MALRD1: variants seen among roughly 807,000 people sequenced by gnomAD.
MALRD1 encodes MAM and LDL-receptor class A domain-containing protein 1.
MALRD1 carries 247 observed loss-of-function variants against 242.1 expected under a neutral mutation model. That is an observed-to-expected ratio of 1.02 (90% CI 0.92 to 1.13). The LOEUF is 1.13. Among genes scored for constraint, MALRD1 ranks in the 50% most tolerant of loss-of-function variants. The pLI is 0.00. For missense variants in MALRD1, 2,989 were observed against 2,533.1 expected (o/e 1.18, Z -3.86); for synonymous variants, 995 against 866.6 (o/e 1.15, Z -2.60).
intron 21 of MALRD1, among the ~76,000 whole-genome samples, chr10:19,310,711 G>A (rs1046875582): frequency 1.5e-4 from 23 of 151,408 alleles, no homozygotes; most frequent in African/African-American, 5.6e-4. Context: ...TAATCCATCT[G>A]TTCTTCCAAT....
At chr10:19,437,086 G>C (rs571954326) in intron 28 of MALRD1, among the ~76,000 whole-genome samples, 21 of 72,218 alleles carry the variant, frequency 2.9e-4, no homozygotes, top group Non-Finnish European at 1.4e-4. Context: ...AGCAAAACGA[G>C]TGTGATTTTT....
intron 29 of MALRD1, among the ~76,000 whole-genome samples, chr10:19,481,057 A>G (rs1159348755): frequency 6.6e-6 from 1 of 152,242 alleles, no homozygotes; most frequent in Non-Finnish European, 1.5e-5. Context: ...AACCAAGTAT[A>G]CATACAGTTT....
intron 36 of MALRD1, among the ~76,000 whole-genome samples, chr10:19,636,821 C>T (rs1375088385): frequency 6.6e-6 from 1 of 150,932 alleles, no homozygotes; most frequent in Non-Finnish European, 1.5e-5. Flanking sequence ...ATCACTTGAG[C>T]CTGGGAGGCA....
At position 19,327,689 on chromosome 10, in the gene MALRD1, A is replaced by C. The variant is rs1277331814; in HGVS notation, c.3687+16A>C. ...ACATACACAGGTGTGTAATACAGGT[A>C]GTTATGGGGTGAGTGAGTTCTGCTG... On this transcript the variant is annotated intron_variant, in intron 23 of 39. Coordinates refer to ENST00000454679, the MANE Select transcript of MALRD1 (RefSeq NM_001142308.3). 6.6e-7 allele frequency: 1 copy of C among 1,525,870 alleles called. No homozygotes were observed. Among genetic ancestry groups the C allele is most frequent in the Admixed American group, 2.0e-5 (1 of 50,698 alleles). 94.5% of individuals were successfully genotyped at this position (1,525,870 alleles called of 1,614,324 possible). A position where few individuals can be genotyped will look rare whatever the true frequency, so the allele number is the denominator to read the frequency against.
In MALRD1 at chr10:19,595,457, T is replaced by A; in HGVS notation, c.5944T>A (p.Ser1982Thr). The change falls in exon 34 of 40, where the codon TCC (serine) becomes ACC (threonine). Residue 1982 changes from serine (S) to threonine (T), a missense_variant and splice_region_variant. Coordinates refer to ENST00000454679, the MANE Select transcript of MALRD1 (RefSeq NM_001142308.3). ...CHFNEDELIC[S>T]NKSCSNGALV... ...CTTTAATGAAGATGAGCTCATCTGCTGTGAGTTATTTTCACTAACTCAATG... is the reference window on the plus strand; with the variant it reads ...CTTTAATGAAGATGAGCTCATCTGCAGTGAGTTATTTTCACTAACTCAATG... The A allele has an allele frequency of 6.5e-7, 1 of 1,547,500 alleles. No individual in the cohort carries two copies. The highest frequency in any genetic ancestry group is 8.7e-7 in the Non-Finnish European group (1 of 1,144,572).
rs550900763 is a variant in MALRD1, at chr10:19,564,968, T to C, written c.5479-2534T>C. Among the ~76,000 whole-genome samples the C allele has an allele frequency of 3.9e-5, 6 of 152,300 alleles. No homozygotes were observed. The South Asian group carries it at 8.3e-4, about 21-fold the overall frequency. ...CTAAGTAATACTCCTAGTTTTCTCA[T>C]TGGCCACAGTGGCTATGAAAACACT... On this transcript the variant is annotated intron_variant, in intron 32 of 39. Coordinates refer to ENST00000454679, the MANE Select transcript of MALRD1 (RefSeq NM_001142308.3).
chr10:19,596,618 C>G (rs187838780), intron 34 of MALRD1, among the ~76,000 whole-genome samples: 61 of 152,092 alleles, frequency 4.0e-4, no homozygotes, highest in African/African-American at 1.4e-3. Context: ...GTAGTTCCAG[C>G]TCCTCTGGAG....
At chr10:19,208,891 T>C (rs2358353) in intron 17 of MALRD1, among the ~76,000 whole-genome samples, 132,560 of 152,122 alleles carry the variant, frequency 0.87, 57,915 homozygotes, top group African/African-American at 0.94. Context: ...TGTTCCCTGG[T>C]GATTGGAACA....
chr10:19,356,488 A>G (rs1844644517), intron 26 of MALRD1, among the ~76,000 whole-genome samples: 1 of 152,162 alleles, frequency 6.6e-6, no homozygotes, highest in South Asian at 2.1e-4. Context: ...TTAATAATAT[A>G]TTTTAATTCG....
intron 28 of MALRD1, among the ~76,000 whole-genome samples, chr10:19,395,786 A>G (rs1212535988): frequency 6.6e-6 from 1 of 152,176 alleles, no homozygotes; most frequent in Non-Finnish European, 1.5e-5. Context: ...TTCCAGGCAT[A>G]TTTTTGAATA....
intron 29 of MALRD1, among the ~76,000 whole-genome samples, chr10:19,480,783 A>C (rs1355621800): frequency 6.6e-6 from 1 of 151,914 alleles, no homozygotes; most frequent in Non-Finnish European, 1.5e-5. Context: ...TGTTGCTTTA[A>C]TTTCTTGTTA....
chr10:19,719,233 T>C (rs1322392849), intron 38 of MALRD1, among the ~76,000 whole-genome samples: 10 of 110,486 alleles, frequency 9.1e-5, no homozygotes, highest in Non-Finnish European at 1.3e-4. Flanking sequence ...CATATATATA[T>C]ATATATATAT....
intron 38 of MALRD1, among the ~76,000 whole-genome samples, chr10:19,711,588 A>T (rs1834121649): frequency 6.6e-6 from 1 of 152,322 alleles, no homozygotes; most frequent in Non-Finnish European, 1.5e-5. Flanking sequence ...GTTGGTGCAG[A>T]GGTGCTGTAT....
intron 19 of MALRD1, among the ~76,000 whole-genome samples, chr10:19,274,874 T>C (rs1040982120): frequency 6.6e-6 from 1 of 152,122 alleles, no homozygotes; most frequent in Non-Finnish European, 1.5e-5. Flanking sequence ...TTCTGGTTTT[T>C]GAGATTAAAA....
Position 19,235,613 on chromosome 10 carries a change from A to AGC in MALRD1, c.2992-22068_2992-22067dup, listed in dbSNP as rs1554816955. Among the ~76,000 whole-genome samples, 36 of 143,838 alleles carry AGC rather than the reference A, an allele frequency of 2.5e-4. No homozygotes were observed. In the East Asian group the frequency reaches 3.8e-3, roughly 15 times the overall value. 94.4% of individuals were successfully genotyped at this position (143,838 alleles called of 152,430 possible). Reference sequence around the variant, plus strand: ...GAGAGAGAGAGAGAGAGAGAGAGAGAGCGCCTAGGTAAGAGGCCACCAACC... The same window carrying AGC: ...GAGAGAGAGAGAGAGAGAGAGAGAGAGCGCGCCTAGGTAAGAGGCCACCAACC... On this transcript the variant is annotated intron_variant, in intron 18 of 39. Coordinates refer to ENST00000454679, the MANE Select transcript of MALRD1 (RefSeq NM_001142308.3).
chr10:19,456,873 A>C (rs1014696282), intron 29 of MALRD1, among the ~76,000 whole-genome samples: 1 of 151,834 alleles, frequency 6.6e-6, no homozygotes, highest in Admixed American at 6.6e-5. Context: ...CCTGGGTTCA[A>C]GCGATTCTCA....
At chr10:19,052,982 C>A (rs7084034) in intron 1 of MALRD1, among the ~76,000 whole-genome samples, 1 of 151,988 alleles carries the variant, frequency 6.6e-6, no homozygotes, top group African/African-American at 2.4e-5. Flanking sequence ...AGCCGTCAGG[C>A]AAGGTTGGAA....
intron 29 of MALRD1, among the ~76,000 whole-genome samples, chr10:19,481,324 A>C (rs546708460): frequency 1.1e-4 from 17 of 152,336 alleles, no homozygotes; most frequent in African/African-American, 4.1e-4. Context: ...TGATATGTGC[A>C]TTGACCTTTA....
chr10:19,107,273 C>T (rs1836496603), intron 5 of MALRD1, among the ~76,000 whole-genome samples: 1 of 151,944 alleles, frequency 6.6e-6, no homozygotes, highest in African/African-American at 2.4e-5. Context: ...TATTTCTATA[C>T]ATCTAATAAT....
Sources: allele counts gnomAD v4.1 joint callset (sites outside exome capture counted in the v4.1 genomes callset), GRCh38; gene constraint gnomAD v4.1.1; transcripts MANE v1.5; gene names NCBI Gene and HGNC (gene_info 2026-07-23, HGNC 2026-07-21).